The following CHN1 variants were observed in gnomAD, a reference collection of about 807,000 sequenced individuals.
CHN1 encodes chimerin 1, also known as N-chimaerin.
In CHN1, 37 loss-of-function variants were observed where a neutral mutation model predicts 59.5. The ratio of observed to expected loss-of-function variants is 0.62; its 90% CI spans 0.48 to 0.82. The LOEUF (loss-of-function observed/expected upper bound fraction) is 0.82, where lower values mean the gene tolerates loss of function less well. Ranked by LOEUF, CHN1 falls within the 40% of genes least tolerant of loss-of-function variation. The probability of loss-of-function intolerance (pLI) is 0.00; values close to 1 mark genes in which losing one functional copy is unlikely to be tolerated. For synonymous variants in CHN1, 206 were observed against 200.4 expected (o/e 1.03, Z -0.24); for missense variants, 469 against 571.0 (o/e 0.82, Z 1.82).
chr2:174,802,852 A>G (rs1423211489), intron 11 of CHN1, among the ~76,000 whole-genome samples: 1 of 152,164 alleles, frequency 6.6e-6, no homozygotes, highest in Admixed American at 6.5e-5. Context: ...AGCCTGGCCA[A>G]CATGGTGAAA....
intron 6 of CHN1, among the ~76,000 whole-genome samples, chr2:174,861,540 C>T (rs1386739136): frequency 2.0e-5 from 3 of 152,122 alleles, no homozygotes. Flanking sequence ...AGATTTAATA[C>T]AAAGAAATGT....
At position 174,999,060 on chromosome 2, in the gene CHN1, C is replaced by CT. The variant is rs570472669; in HGVS notation, c.19+5833dup. On this transcript the variant is annotated intron_variant, in intron 1 of 12. Transcript: ENST00000409900. ...ATATTTATAACTTTATTTTGTCAGG[C>CT]TTTTTTTTCTATTCAATATGACTTT... is the stretch of plus-strand genomic sequence containing the variant. Among the ~76,000 whole-genome samples, 567 of 151,796 alleles carry CT rather than the reference C, an allele frequency of 3.7e-3. 4 individuals carry two copies. Among genetic ancestry groups the CT allele is most frequent in the African/African-American group, 0.013 (544 of 41,402 alleles).
At chr2:174,971,285 T>G (rs896850366) in intron 1 of CHN1, among the ~76,000 whole-genome samples, 1 of 152,192 alleles carries the variant, frequency 6.6e-6, no homozygotes, top group Admixed American at 6.5e-5. Context: ...GCCACTGCAC[T>G]CCAGCCTGGG....
chr2:174,986,598 T>G (rs552630824), intron 1 of CHN1, among the ~76,000 whole-genome samples: 1 of 149,078 alleles, frequency 6.7e-6, no homozygotes, highest in African/African-American at 2.4e-5. Flanking sequence ...CAGATTTTCT[T>G]GTGCTTCTGT....
chr2:174,860,238 A>C (rs1687027464), intron 6 of CHN1, among the ~76,000 whole-genome samples: 1 of 152,196 alleles, frequency 6.6e-6, no homozygotes, highest in Non-Finnish European at 1.5e-5. Flanking sequence ...CTTTCCATTA[A>C]AATCCACCAA....
intron 5 of CHN1, among the ~76,000 whole-genome samples, chr2:174,880,569 G>A (rs1355562667): frequency 2.0e-5 from 3 of 152,178 alleles, no homozygotes; most frequent in Non-Finnish European, 4.4e-5. Context: ...TAAGGTCAAA[G>A]AAAGACTCTT....
At chr2:174,894,937 A>G (rs1025684037) in intron 5 of CHN1, among the ~76,000 whole-genome samples, 3 of 152,068 alleles carry the variant, frequency 2.0e-5, no homozygotes, top group Admixed American at 1.3e-4. Context: ...CTCCCAGGAC[A>G]TGAACTGTCC....
Position 174,811,561 on chromosome 2 carries a change from A to G in CHN1, c.914T>C (p.Val305Ala), listed in dbSNP as rs1481333587. Residue 305 changes from valine to alanine, a missense_variant, in exon 10 of 13, where the codon GTA becomes GCA. Physicochemically the swap from Val to Ala is moderately conservative, Grantham distance 64 (BLOSUM62 0). Transcript: ENST00000409900. Reference sequence around the variant, plus strand: ...TTCAATTAGGTCACTAAATCCTGATACTCGGTATAGTCCTTCAGAATTAAG... The same window carrying G: ...TTCAATTAGGTCACTAAATCCTGATGCTCGGTATAGTCCTTCAGAATTAAG... ...RGLNSEGLYR[V>A]SGFSDLIEDV... 6.2e-7 allele frequency: 1 copy of G among 1,611,216 alleles called. No individual in the cohort carries two copies. The highest frequency in any genetic ancestry group is 1.3e-5 in the African/African-American group (1 of 74,984).
At chr2:174,841,351 T>TGGCAGAAGTG (rs1263135942) in intron 7 of CHN1, among the ~76,000 whole-genome samples, 1 of 152,128 alleles carries the variant, frequency 6.6e-6, no homozygotes, top group Non-Finnish European at 1.5e-5. Flanking sequence ...CCAGCAGCAT[T>TGGCAGAAGTG]GGCAGAAGTG....
At position 174,801,827 on chromosome 2, in the gene CHN1, C is replaced by T. The variant is rs1476793740; in HGVS notation, c.1103-15G>A. The stretch of plus-strand genomic sequence containing the variant: ...ATCCATAATTTCTAAAATAGCAAGT[C>T]GAATACCAAGAAGAAAAGAAATAAC... On this transcript the variant is annotated splice_polypyrimidine_tract_variant and intron_variant, in intron 11 of 12. Transcript: ENST00000409900. The T allele has an allele frequency of 5.7e-6, 9 of 1,567,546 alleles. No individual in the cohort carries two copies. The highest frequency in any genetic ancestry group is 7.9e-6 in the Non-Finnish European group (9 of 1,138,508).
chr2:174,799,987 TC>T lies in CHN1; in HGVS notation c.*128del, dbSNP rs1319098716. On this transcript the variant is annotated 3_prime_UTR_variant, in exon 13 of 13. Coordinates refer to ENST00000409900, the MANE Select transcript of CHN1 (RefSeq NM_001822.7). ...CGGTGCTACAAAAACAACAGAAAGTTCCTTCACTTTAATCTGGTTATATGCC... is the reference window on the plus strand; with the variant it reads ...CGGTGCTACAAAAACAACAGAAAGTTCTTCACTTTAATCTGGTTATATGCC... 2.3e-6 allele frequency: 2 copies of T among 864,710 alleles called. No homozygotes were observed. The highest frequency in any genetic ancestry group is 1.9e-6 in the Non-Finnish European group (1 of 535,468). The allele number at this position is 864,710 out of a possible 1,614,324, so 53.6% of individuals were successfully genotyped here. A position where few individuals can be genotyped will look rare whatever the true frequency, so the allele number is the denominator to read the frequency against.
chr2:174,991,034 T>A (rs1177705332), intron 1 of CHN1, among the ~76,000 whole-genome samples: 2 of 152,230 alleles, frequency 1.3e-5, no homozygotes, highest in East Asian at 3.8e-4. Context: ...ACTGACTGCA[T>A]CTTTTAAAAG....
intron 8 of CHN1, among the ~76,000 whole-genome samples, chr2:174,819,680 A>ATTG (rs1435497219): frequency 6.6e-6 from 1 of 152,068 alleles, no homozygotes; most frequent in Non-Finnish European, 1.5e-5. Flanking sequence ...TATTATTATT[A>ATTG]TACTTTAAGT....
chr2:174,986,549 AAAC>A (rs1226978638), intron 1 of CHN1, among the ~76,000 whole-genome samples: 3 of 152,222 alleles, frequency 2.0e-5, no homozygotes, highest in South Asian at 2.1e-4. Context: ...GCCGACCCTT[AAAC>A]AACATGGGTT....
chr2:174,862,027 T>G (rs1224735085), intron 6 of CHN1, among the ~76,000 whole-genome samples: 1 of 152,144 alleles, frequency 6.6e-6, no homozygotes, highest in Non-Finnish European at 1.5e-5. Context: ...TGATCACTTT[T>G]CCTCCTATGA....
At chr2:174,965,157 C>T (rs988131656) in intron 1 of CHN1, among the ~76,000 whole-genome samples, 1 of 151,952 alleles carries the variant, frequency 6.6e-6, no homozygotes, top group African/African-American at 2.4e-5. Context: ...ACCTTAATGT[C>T]CTGATTTTTT....
At chr2:174,943,320 G>T (rs371237026) in intron 3 of CHN1, among the ~76,000 whole-genome samples, 2 of 151,432 alleles carry the variant, frequency 1.3e-5, no homozygotes, top group Non-Finnish European at 3.0e-5. Context: ...TCTGCCTCCC[G>T]GGTTCAAGCG....
At chr2:174,896,725 T>C (rs2105352057) in intron 5 of CHN1, among the ~76,000 whole-genome samples, 1 of 152,246 alleles carries the variant, frequency 6.6e-6, no homozygotes, top group East Asian at 1.9e-4. Flanking sequence ...GTAAATTCAG[T>C]TAATGACTAC....
intron 1 of CHN1, among the ~76,000 whole-genome samples, chr2:174,989,375 C>CA (rs1462238187): frequency 4.0e-5 from 6 of 150,484 alleles, no homozygotes; most frequent in East Asian, 1.9e-4. Flanking sequence ...AACTCCAACT[C>CA]AAAAAAAAGA....
Sources: allele counts gnomAD v4.1 joint callset (sites outside exome capture counted in the v4.1 genomes callset), GRCh38; gene constraint gnomAD v4.1.1; transcripts MANE v1.5; gene names NCBI Gene and HGNC (gene_info 2026-07-23, HGNC 2026-07-21).